The following MAGI1 variants were observed in gnomAD, a reference collection of about 807,000 sequenced individuals.
MAGI1 encodes membrane associated guanylate kinase, WW and PDZ domain containing 1, also known as membrane-associated guanylate kinase, WW and PDZ domain-containing protein 1.
Under a neutral mutation model 139.9 loss-of-function variants are expected in MAGI1, and 58 were observed. The observed-to-expected ratio is 0.41, with a 90% CI of 0.34 to 0.52. The LOEUF (loss-of-function observed/expected upper bound fraction) is 0.52, where lower values mean the gene tolerates loss of function less well. Among genes scored for constraint, MAGI1 ranks in the 20% least tolerant of loss-of-function variants. The pLI is 0.12. For missense variants in MAGI1, 1,874 were observed against 1,901.6 expected (o/e 0.99, Z 0.27); for synonymous variants, 812 against 737.9 (o/e 1.10, Z -1.63).
chr3:65,473,231 T>A (rs7616855), intron 4 of MAGI1, among the ~76,000 whole-genome samples: 1 of 152,052 alleles, frequency 6.6e-6, no homozygotes, highest in Non-Finnish European at 1.5e-5. Flanking sequence ...ACATTACAAA[T>A]AGGTAGAAGA....
intron 12 of MAGI1, among the ~76,000 whole-genome samples, chr3:65,424,453 C>T (rs1425796194): frequency 1.3e-5 from 2 of 152,140 alleles, no homozygotes; most frequent in African/African-American, 4.8e-5. Flanking sequence ...TTTAACATTT[C>T]ATGAATGTAT....
chr3:65,562,916 A>G (rs1352681611), intron 2 of MAGI1, among the ~76,000 whole-genome samples: 1 of 152,176 alleles, frequency 6.6e-6, no homozygotes, highest in Admixed American at 6.5e-5. Context: ...TTTTGAACCT[A>G]GGTTCCCTGT....
chr3:65,510,844 C>T (rs1372610069), intron 2 of MAGI1, among the ~76,000 whole-genome samples: 5 of 147,290 alleles, frequency 3.4e-5, no homozygotes, highest in Admixed American at 2.0e-4. Flanking sequence ...CTCCAAGACA[C>T]ATAATTGTCA....
Position 65,478,645 on chromosome 3 carries a change from T to G in MAGI1, c.704A>C (p.His235Pro), listed in dbSNP as rs1212079524. Residue 235 changes from histidine to proline, a missense_variant, in exon 4 of 23, where the codon CAC becomes CCC. Transcript: ENST00000402939. ...GTCATCCTCCTCCTCATTCTCCGCG[T>G]GGACTATGCCAGCATTTTGCATATC... ...YNDMQNAGIVHAENEEEDDVP... is the reference protein window; with the variant it reads ...YNDMQNAGIVPAENEEEDDVP... The G allele has an allele frequency of 1.2e-6, 2 of 1,613,964 alleles. No homozygotes were observed. Among genetic ancestry groups the G allele is most frequent in the Non-Finnish European group, 1.7e-6 (2 of 1,179,992 alleles).
intron 12 of MAGI1, among the ~76,000 whole-genome samples, chr3:65,426,930 G>C (rs952432461): frequency 1.3e-5 from 2 of 152,048 alleles, no homozygotes; most frequent in Non-Finnish European, 2.9e-5. Flanking sequence ...AATATATTCC[G>C]GATTTTTCAT....
At chr3:65,959,605 TTATTA>T (rs1560056351) in intron 1 of MAGI1, among the ~76,000 whole-genome samples, 30 of 85,276 alleles carry the variant, frequency 3.5e-4, no homozygotes, top group Admixed American at 7.5e-4. Context: ...AGCATTTTTA[TTATTA>T]TTATTATTAT....
chr3:65,810,462 G>A (rs560232158), intron 1 of MAGI1, among the ~76,000 whole-genome samples: 22 of 152,346 alleles, frequency 1.4e-4, no homozygotes, highest in South Asian at 1.2e-3. Flanking sequence ...CCATTACAGT[G>A]TTGATTAGGA....
intron 1 of MAGI1, among the ~76,000 whole-genome samples, chr3:65,908,719 T>C (rs778805215): frequency 3.9e-5 from 6 of 152,180 alleles, no homozygotes; most frequent in Admixed American, 1.3e-4. Flanking sequence ...GCGTAAAGGA[T>C]ATTAGGACTC....
chr3:65,604,004 A>C (rs2082611654), intron 2 of MAGI1, among the ~76,000 whole-genome samples: 1 of 152,182 alleles, frequency 6.6e-6, no homozygotes. Flanking sequence ...ATTGGCCATT[A>C]TGTTTCAACA....
intron 1 of MAGI1, among the ~76,000 whole-genome samples, chr3:65,665,745 G>T (rs2086474358): frequency 6.6e-6 from 1 of 152,022 alleles, no homozygotes; most frequent in Admixed American, 6.6e-5. Context: ...AACATTTCCT[G>T]GGCTTTCCCC....
intron 1 of MAGI1, among the ~76,000 whole-genome samples, chr3:65,712,586 C>G (rs980326885): frequency 6.6e-6 from 1 of 151,958 alleles, no homozygotes; most frequent in Non-Finnish European, 1.5e-5. Context: ...GATCTCAGCT[C>G]ACTACAACCT....
chr3:65,955,644 T>C (rs192604908), intron 1 of MAGI1, among the ~76,000 whole-genome samples: 7 of 152,234 alleles, frequency 4.6e-5, no homozygotes, highest in Admixed American at 3.9e-4. Context: ...ATCCTTGAAA[T>C]GCCTTACAAT....
At chr3:65,439,769 A>G in intron 9 of MAGI1, 110 bp downstream of exon 9, 1 of 1,569,518 alleles carries the variant, frequency 6.4e-7, no homozygotes, top group Non-Finnish European at 8.6e-7. Context: ...TCAGTGTGGC[A>G]AGAGAGGACT....
chr3:65,493,762 G>T, intron 2 of MAGI1, 131 bp from the exon 3 acceptor site: 1 of 1,026,048 alleles, frequency 9.7e-7, no homozygotes. Flanking sequence ...CATCTGTCCA[G>T]ACAGGGACAC....
chr3:65,447,985 A>C, intron 7 of MAGI1, 37 bp downstream of exon 7: 2 of 1,613,058 alleles, frequency 1.2e-6, no homozygotes, highest in Non-Finnish European at 1.7e-6. Context: ...CATGTCATGC[A>C]CGTGTCATGC....
intron 1 of MAGI1, among the ~76,000 whole-genome samples, chr3:65,959,030 C>T (rs1215188963): frequency 6.6e-6 from 1 of 151,822 alleles, no homozygotes; most frequent in Non-Finnish European, 1.5e-5. Flanking sequence ...GCCCCTTGTC[C>T]AGAGTAGAAA....
chr3:65,798,397 G>A (rs1015894425), intron 1 of MAGI1, among the ~76,000 whole-genome samples: 5 of 152,018 alleles, frequency 3.3e-5, no homozygotes, highest in East Asian at 1.9e-4. Context: ...TCTTCCTCCC[G>A]GGAAACATAA....
intron 1 of MAGI1, among the ~76,000 whole-genome samples, chr3:65,668,288 G>C (rs892249154): frequency 2.6e-5 from 4 of 152,156 alleles, no homozygotes. Context: ...CTATTAAATA[G>C]TTGTGCACTG....
At chr3:65,690,988 T>G (rs1479371857) in intron 1 of MAGI1, among the ~76,000 whole-genome samples, 1 of 152,222 alleles carries the variant, frequency 6.6e-6, no homozygotes, top group East Asian at 1.9e-4. Flanking sequence ...GAGTATTTCT[T>G]AGGACACTGG....
Sources: allele counts gnomAD v4.1 joint callset (sites outside exome capture counted in the v4.1 genomes callset), GRCh38; gene constraint gnomAD v4.1.1; transcripts MANE v1.5; gene names NCBI Gene and HGNC (gene_info 2026-07-23, HGNC 2026-07-21).